The following PRKAG2 variants were observed in gnomAD, a reference collection of about 807,000 sequenced individuals.
PRKAG2 encodes 5'-AMP-activated protein kinase subunit gamma-2.
In PRKAG2, 26 loss-of-function variants were observed where a neutral mutation model predicts 69.6. The ratio of observed to expected loss-of-function variants is 0.37; its 90% CI spans 0.27 to 0.52. PRKAG2 has a LOEUF of 0.52. PRKAG2 is among the 20% of genes least tolerant of loss of function. The probability of loss-of-function intolerance (pLI) is 0.90; values close to 1 mark genes in which losing one functional copy is unlikely to be tolerated. For synonymous variants in PRKAG2, 293 were observed against 285.0 expected, an observed-to-expected ratio of 1.03 and a Z score of -0.28; for missense variants, 557 against 740.0, an observed-to-expected ratio of 0.75 and a Z score of 2.87.
At chr7:151,616,981 C>T (rs770553737) in intron 5 of PRKAG2, among the ~76,000 whole-genome samples, 16 of 152,012 alleles carry the variant, frequency 1.1e-4, no homozygotes, top group African/African-American at 1.7e-4. Flanking sequence ...ACTACTAGGC[C>T]GGGCGCGGGG....
intron 3 of PRKAG2, among the ~76,000 whole-genome samples, chr7:151,715,012 A>C (rs199804634): frequency 0.027 from 2,899 of 107,738 alleles, 110 homozygotes; most frequent in East Asian, 0.19. Flanking sequence ...ACCCAATTAA[A>C]AGCAATTTTT....
chr7:151,689,828 A>G (rs1835379530), intron 3 of PRKAG2, among the ~76,000 whole-genome samples: 1 of 152,156 alleles, frequency 6.6e-6, no homozygotes, highest in African/African-American at 2.4e-5. Flanking sequence ...GACGGTGTCC[A>G]GACTGCCGCC....
chr7:151,774,376 C>T (rs2076232646), intron 3 of PRKAG2, among the ~76,000 whole-genome samples: 1 of 152,154 alleles, frequency 6.6e-6, no homozygotes, highest in Admixed American at 6.5e-5. Flanking sequence ...AACCATGGTC[C>T]CCATCTGTGT....
At position 151,796,313 on chromosome 7, in the gene PRKAG2, C is replaced by T. The variant is rs146234867; in HGVS notation, c.115-9772G>A. ...TGGAACCCTCACTTTGCCCAGGGCC[C>T]AGTGAGACACCCACAGGCCCCAGCT... is the stretch of plus-strand genomic sequence containing the variant. On this transcript the variant is annotated intron_variant, in intron 1 of 15. Transcript: ENST00000287878. 1.7e-3 allele frequency among the ~76,000 whole-genome samples: 253 copies of T among 152,216 alleles called. 2 individuals carry two copies. The highest frequency in any genetic ancestry group is 5.8e-3 in the African/African-American group (240 of 41,548).
At chr7:151,767,683 C>G (rs139066152) in intron 3 of PRKAG2, among the ~76,000 whole-genome samples, 83 of 152,358 alleles carry the variant, frequency 5.4e-4, no homozygotes, top group African/African-American at 2.0e-3. Context: ...CATCCACACT[C>G]GCTTAGATAT....
intron 4 of PRKAG2, among the ~76,000 whole-genome samples, chr7:151,659,654 G>C (rs933815592): frequency 5.3e-5 from 8 of 152,330 alleles, no homozygotes; most frequent in Admixed American, 2.6e-4. Context: ...CCATTTGTAA[G>C]ATTGAATAAG....
At chr7:151,685,002 T>C (rs927874729) in intron 3 of PRKAG2, among the ~76,000 whole-genome samples, 13 of 152,044 alleles carry the variant, frequency 8.6e-5, no homozygotes, top group Admixed American at 4.6e-4. Context: ...TGACTTTAGG[T>C]ATCAGTACCA....
chr7:151,640,335 T>C (rs1826464891), intron 4 of PRKAG2, among the ~76,000 whole-genome samples: 1 of 151,944 alleles, frequency 6.6e-6, no homozygotes, highest in Non-Finnish European at 1.5e-5. Flanking sequence ...AAAACAGACT[T>C]ATTATTCACT....
At chr7:151,760,996 C>T (rs940947769) in intron 3 of PRKAG2, among the ~76,000 whole-genome samples, 14 of 152,196 alleles carry the variant, frequency 9.2e-5, no homozygotes, top group African/African-American at 1.4e-4. Flanking sequence ...CCTACAATAA[C>T]GAACAGTTAG....
intron 1 of PRKAG2, among the ~76,000 whole-genome samples, chr7:151,821,892 CGTAT>C (rs1025257677): frequency 1.3e-5 from 2 of 152,118 alleles, no homozygotes; most frequent in African/African-American, 4.8e-5. Flanking sequence ...GGATTAAATC[CGTAT>C]GTATGTATGT....
intron 5 of PRKAG2, among the ~76,000 whole-genome samples, chr7:151,626,107 G>A (rs1227239746): frequency 6.6e-6 from 1 of 152,174 alleles, no homozygotes; most frequent in East Asian, 1.9e-4. Flanking sequence ...CTAGAGCAAT[G>A]GCCAGAGGTG....
intron 5 of PRKAG2, among the ~76,000 whole-genome samples, chr7:151,610,002 C>G (rs1176347780): frequency 2.0e-5 from 3 of 152,214 alleles, no homozygotes; most frequent in Non-Finnish European, 4.4e-5. Flanking sequence ...ACCCCGGAGG[C>G]TGCCAACACC....
intron 4 of PRKAG2, among the ~76,000 whole-genome samples, chr7:151,642,690 C>T (rs931127886): frequency 2.0e-5 from 3 of 152,220 alleles, no homozygotes; most frequent in African/African-American, 7.2e-5. Context: ...ATTTATTCCA[C>T]AGTATCTTTT....
intron 1 of PRKAG2, among the ~76,000 whole-genome samples, chr7:151,847,975 T>A (rs2079474466): frequency 6.6e-6 from 1 of 152,140 alleles, no homozygotes; most frequent in African/African-American, 2.4e-5. Context: ...ACACTATGAA[T>A]CAGAGCTGCT....
chr7:151,690,335 G>C (rs1835469926), intron 3 of PRKAG2, among the ~76,000 whole-genome samples: 1 of 152,174 alleles, frequency 6.6e-6, no homozygotes, highest in Non-Finnish European at 1.5e-5. Context: ...TCAGCCCTCT[G>C]TTTGCATGAT....
chr7:151,797,478 C>T (rs550792583), intron 1 of PRKAG2, among the ~76,000 whole-genome samples: 1 of 152,190 alleles, frequency 6.6e-6, no homozygotes, highest in Non-Finnish European at 1.5e-5. Context: ...TGCTCCCAAA[C>T]AGCTACCCAA....
chr7:151,661,576 A>C (rs887866452), intron 4 of PRKAG2, among the ~76,000 whole-genome samples: 3 of 152,208 alleles, frequency 2.0e-5, no homozygotes, highest in African/African-American at 7.2e-5. Context: ...TTTTAAAAAA[A>C]TAAAATATAC....
At position 151,560,540 on chromosome 7, in the gene PRKAG2, C is replaced by G. The variant is rs1318736668; in HGVS notation, c.1662G>C (p.Leu554=). 1.2e-6 allele frequency: 2 copies of G among 1,614,126 alleles called. No individual in the cohort carries two copies. The highest frequency in any genetic ancestry group is 1.7e-6 in the Non-Finnish European group (2 of 1,180,010). The change falls in exon 15 of 16, where the codon CTG becomes CTC. Residue 554 remains leucine (L), a synonymous_variant. Coordinates refer to ENST00000287878, the MANE Select transcript of PRKAG2 (RefSeq NM_016203.4). ...IISLSDILQA[L]ILTPAGAKQK... is the part of the protein sequence containing the mutation. The stretch of plus-strand genomic sequence containing the variant: ...GCATTTTACCTGCTGGTGTGAGGAT[C>G]AGGGCTTGCAGAATGTCCGACAGGG...
At chr7:151,667,123 T>C (rs954191906) in intron 4 of PRKAG2, among the ~76,000 whole-genome samples, 8 of 152,210 alleles carry the variant, frequency 5.3e-5, no homozygotes, top group Non-Finnish European at 1.2e-4. Flanking sequence ...TGCACCAACC[T>C]GGGATAACTC....
Sources: allele counts gnomAD v4.1 joint callset (sites outside exome capture counted in the v4.1 genomes callset), GRCh38; gene constraint gnomAD v4.1.1; transcripts MANE v1.5; gene names NCBI Gene and HGNC (gene_info 2026-07-23, HGNC 2026-07-21).